The following SYNE1 variants were observed in gnomAD, a reference collection of about 807,000 sequenced individuals.
The protein encoded by SYNE1 is nesprin-1.
SYNE1 carries 616 observed loss-of-function variants against 1,111.0 expected under a neutral mutation model. The ratio of observed to expected loss-of-function variants is 0.55; its 90% confidence interval spans 0.52 to 0.59. The LOEUF (loss-of-function observed/expected upper bound fraction) is 0.59, where lower values mean the gene tolerates loss of function less well. SYNE1 is among the 20% of genes least tolerant of loss of function. The probability of loss-of-function intolerance (pLI) is 0.00; values close to 1 mark genes in which losing one functional copy is unlikely to be tolerated. For synonymous variants in SYNE1, 3,855 were observed against 3,825.8 expected (o/e 1.01, Z -0.28); for missense variants, 10,006 against 10,417.0 (o/e 0.96, Z 1.72).
chr6:152,196,461 C>CT (rs1297978759), intron 127 of SYNE1, among the ~76,000 whole-genome samples: 1 of 151,968 alleles, frequency 6.6e-6, no homozygotes, highest in East Asian at 1.9e-4. Context: ...ACACTGCTGA[C>CT]TATCCAGGGC....
intron 95 of SYNE1, among the ~76,000 whole-genome samples, chr6:152,289,840 A>C (rs969286217): frequency 2.7e-5 from 4 of 149,598 alleles, no homozygotes; most frequent in South Asian, 2.2e-4. Context: ...GTTAGCCAGG[A>C]TGGTCGCGAT....
chr6:152,258,519 C>T (rs550211130), intron 101 of SYNE1, among the ~76,000 whole-genome samples: 183 of 152,172 alleles, frequency 1.2e-3, no homozygotes, highest in Non-Finnish European at 2.3e-3. Context: ...CTTATCACAG[C>T]TTTCCTCTCA....
chr6:152,413,488 C>G lies in SYNE1; in HGVS notation c.6094G>C (p.Glu2032Gln), dbSNP rs367594476. 1.2e-6 allele frequency: 2 copies of G among 1,614,112 alleles called. No individual in the cohort carries two copies. Among genetic ancestry groups the G allele is most frequent in the Non-Finnish European group, 1.7e-6 (2 of 1,180,000 alleles). ...NQLEDELNSH[E>Q]HELCWLKDKA... ...TCTTTCAACCAACATAGTTCATGCT[C>G]GTGAGAATTCAATTCATCTTCTAGC... is the stretch of plus-strand genomic sequence containing the variant. The change falls in exon 42 of 146, where the codon GAG becomes CAG. Residue 2032 changes from glutamate (E) to glutamine (Q), a missense_variant. Glu to Gln is a conservative substitution (Grantham distance 29). Coordinates refer to ENST00000367255, the MANE Select transcript of SYNE1 (RefSeq NM_182961.4).
intron 93 of SYNE1, among the ~76,000 whole-genome samples, chr6:152,298,043 T>C (rs889393067): frequency 6.6e-6 from 1 of 152,234 alleles, no homozygotes; most frequent in Non-Finnish European, 1.5e-5. Context: ...TCATTGCTTA[T>C]GTGCCTAAGT....
At position 152,409,566 on chromosome 6, in the gene SYNE1, AAAGCCC is replaced by A. The variant is rs1025478727; in HGVS notation, c.6368_6373del (p.Trp2123_Ala2124del). ...ACACATTTTGAATTTTACCTTGGAA[AAAGCCC>A]ATTTAAGATCCTCCTGATCTTTTAT... On this transcript the variant is annotated inframe_deletion, in exon 43 of 146. Transcript: ENST00000367255. 1.1e-5 allele frequency: 18 copies of A among 1,613,534 alleles called. No individual in the cohort carries two copies. The highest frequency in any genetic ancestry group is 1.5e-5 in the Non-Finnish European group (18 of 1,179,952).
intron 26 of SYNE1, 102 bp from the exon 27 acceptor site, chr6:152,450,935 G>A: frequency 1.9e-6 from 3 of 1,592,158 alleles, no homozygotes; most frequent in East Asian, 4.5e-5. Context: ...AGACTACCAA[G>A]GTAGAGTAAT....
chr6:152,143,910 C>T (rs1242956065), intron 137 of SYNE1, 145 bp from the exon 138 acceptor site: 2 of 1,169,222 alleles, frequency 1.7e-6, no homozygotes, highest in African/African-American at 1.5e-5. Context: ...AAATTTAGTA[C>T]CATCGTGCCG....
Position 152,339,296 on chromosome 6 carries a change from A to T in SYNE1, c.12296T>A (p.Leu4099Gln). 6.2e-7 allele frequency: 1 copy of T among 1,614,070 alleles called. No individual in the cohort carries two copies. The highest frequency in any genetic ancestry group is 8.5e-7 in the Non-Finnish European group (1 of 1,179,922). The change falls in exon 75 of 146, where the codon CTG becomes CAG. Residue 4099 changes from leucine to glutamine, a missense_variant. Physicochemically the swap from Leu to Gln is moderately radical, Grantham distance 113. Coordinates refer to ENST00000367255, the MANE Select transcript of SYNE1 (RefSeq NM_182961.4). ...TGTGGTTTTCACCGAAGCATTTGAC[A>T]GGTCACACATGGAGCAAAGGAGATC... ...YLDLLCSMCD[L>Q]SNASVKTTAK... is the part of the protein sequence containing the mutation.
At chr6:152,460,461 A>T (rs747604423) in intron 21 of SYNE1, among the ~76,000 whole-genome samples, 2 of 151,848 alleles carry the variant, frequency 1.3e-5, no homozygotes, top group Non-Finnish European at 2.9e-5. Context: ...ATTCCCTACC[A>T]CTGATGTCAC....
chr6:152,218,541 C>T (rs1170777371), intron 120 of SYNE1, 138 bp from the exon 121 acceptor site: 3 of 975,436 alleles, frequency 3.1e-6, no homozygotes, highest in Non-Finnish European at 4.6e-6. Flanking sequence ...TCTAGACGTT[C>T]CTATAAAAAA....
In SYNE1 at chr6:152,201,841, C is replaced by T; in HGVS notation, c.23128G>A (p.Glu7710Lys). ...TAATTTACCTTGCAACGCATTTGTT[C>T]TGCATGGAGCTCTTCATGGTGATCC... The part of the protein sequence containing the change: ...LPDHHEELHA[E>K]QMRCKELENA... Residue 7710 changes from glutamate to lysine, a missense_variant, in exon 127 of 146, where the codon GAA becomes AAA. Glu to Lys is a moderately conservative substitution (Grantham distance 56, BLOSUM62 1). Transcript: ENST00000367255. 6.2e-7 allele frequency: 1 copy of T among 1,613,928 alleles called. No homozygotes were observed. The highest frequency in any genetic ancestry group is 8.5e-7 in the Non-Finnish European group (1 of 1,179,832).
intron 127 of SYNE1, among the ~76,000 whole-genome samples, chr6:152,197,350 C>T (rs1344807478): frequency 6.6e-6 from 1 of 152,228 alleles, no homozygotes; most frequent in African/African-American, 2.4e-5. Flanking sequence ...TCTTGTTCTG[C>T]TTCCTCAGGT....
In SYNE1 at chr6:152,471,526, T is replaced by C. The variant is rs573525634; in HGVS notation, c.1632+71A>G. 6 of 1,441,988 alleles carry C rather than the reference T, an allele frequency of 4.2e-6. 1 individual carries two copies. In the South Asian group the frequency reaches 5.8e-5, roughly 14 times the overall value. 89.3% of individuals were successfully genotyped at this position (1,441,988 alleles called of 1,614,324 possible). A position where few individuals can be genotyped will look rare whatever the true frequency, so the allele number is the denominator to read the frequency against. Reference sequence around the variant, plus strand: ...AAATTCAAGAATTAAAATAACAACATCAAAGAAACTGAACTGTGTTGCTAA... The same window carrying C: ...AAATTCAAGAATTAAAATAACAACACCAAAGAAACTGAACTGTGTTGCTAA... On this transcript the variant is annotated intron_variant, in intron 16 of 145. Transcript: ENST00000367255.
intron 3 of SYNE1, among the ~76,000 whole-genome samples, chr6:152,586,930 T>G (rs2099541367): frequency 6.6e-6 from 1 of 152,202 alleles, no homozygotes; most frequent in Non-Finnish European, 1.5e-5. Flanking sequence ...GTTGTCTTCT[T>G]CAGCCCTGAT....
chr6:152,481,340 C>A (rs908938370), intron 14 of SYNE1, among the ~76,000 whole-genome samples: 11 of 152,120 alleles, frequency 7.2e-5, no homozygotes, highest in African/African-American at 2.7e-4. Context: ...ATATTTGCTA[C>A]CATGCCTATT....
intron 127 of SYNE1, among the ~76,000 whole-genome samples, chr6:152,194,007 T>C (rs1231647575): frequency 1.1e-5 from 1 of 94,668 alleles, no homozygotes; most frequent in East Asian, 3.6e-4. Flanking sequence ...AGCAAGACTG[T>C]CTCGAAAAAA....
chr6:152,189,331 T>G lies in SYNE1; in HGVS notation c.23222A>C (p.Tyr7741Ser), dbSNP rs34974663. The G allele has an allele frequency of 6.2e-7, 1 of 1,614,134 alleles. No individual in the cohort carries two copies. The highest frequency in any genetic ancestry group is 1.7e-5 in the Admixed American group (1 of 60,016). The change falls in exon 128 of 146, where the codon TAT becomes TCT. Residue 7741 changes from tyrosine to serine, a missense_variant. Around this residue, in one of 7 missense-constraint regions of SYNE1, gnomAD observed 2,182 missense variants for 2,287.8 expected, o/e 0.95. Coordinates refer to ENST00000367255, the MANE Select transcript of SYNE1 (RefSeq NM_182961.4). The part of the protein sequence containing the change: ...LSLLKDTLSA[Y>S]ISADDISILN... ...AATGGAGATATCATCAGCACTGATA[T>G]AGGCAGAGAGGGTGTCCTTCAGCAG... is the stretch of plus-strand genomic sequence containing the variant.
intron 13 of SYNE1, among the ~76,000 whole-genome samples, 172 bp from the exon 14 acceptor site, chr6:152,483,421 T>C (rs1421758497): frequency 6.6e-6 from 1 of 152,182 alleles, no homozygotes; most frequent in Non-Finnish European, 1.5e-5. Flanking sequence ...ACTTTAGGGA[T>C]GGGGAGAAAA....
At chr6:152,406,620 C>T (rs986469547) in intron 45 of SYNE1, among the ~76,000 whole-genome samples, 1 of 152,102 alleles carries the variant, frequency 6.6e-6, no homozygotes, top group African/African-American at 2.4e-5. Flanking sequence ...GTAATCACAG[C>T]ACTTCAGGAG....
Sources: allele counts gnomAD v4.1 joint callset (sites outside exome capture counted in the v4.1 genomes callset), GRCh38; gene constraint gnomAD v4.1.1; regional missense constraint gnomAD v4.1.1; transcripts MANE v1.5; gene names NCBI Gene and HGNC (gene_info 2026-07-23, HGNC 2026-07-21).